The following FER1L6 variants were observed in gnomAD, a reference collection of about 807,000 sequenced individuals.
FER1L6 encodes fer-1 like family member 6.
FER1L6 carries 177 observed loss-of-function variants against 219.2 expected under a neutral mutation model. The observed-to-expected ratio is 0.81, with a 90% CI of 0.71 to 0.91. The LOEUF is 0.91. FER1L6 is among the 40% of genes least tolerant of loss of function. The pLI, the probability that FER1L6 is intolerant of heterozygous loss-of-function variation, is 0.00. For missense variants in FER1L6, 2,153 were observed against 2,259.9 expected, an observed-to-expected ratio of 0.95 and a Z score of 0.96; for synonymous variants, 768 against 824.3, an observed-to-expected ratio of 0.93 and a Z score of 1.17.
chr8:124,051,611 G>A (rs1174009538), intron 22 of FER1L6, among the ~76,000 whole-genome samples: 2 of 152,182 alleles, frequency 1.3e-5, no homozygotes, highest in Non-Finnish European at 2.9e-5. Flanking sequence ...ATTCTACCAT[G>A]TATTTCAGGT....
intron 1 of FER1L6, among the ~76,000 whole-genome samples, chr8:123,892,184 A>G (rs1289047047): frequency 6.6e-6 from 1 of 152,182 alleles, no homozygotes; most frequent in Non-Finnish European, 1.5e-5. Flanking sequence ...CACCATACAA[A>G]GGTAAAATTT....
In FER1L6 at chr8:123,853,798, A is replaced by G. The variant is rs562501048; in HGVS notation, c.-8+1613A>G. Among the ~76,000 whole-genome samples, 17 of 152,344 alleles carry G rather than the reference A, an allele frequency of 1.1e-4. No individual in the cohort carries two copies. The highest frequency in any genetic ancestry group is 3.4e-4 in the African/African-American group (14 of 41,574). ...AGCACAGAGGCTGGTTTTCACTGAG[A>G]ACGATGTAAGAAGGAACAACATCGC... On this transcript the variant is annotated intron_variant, in intron 1 of 40. Coordinates refer to ENST00000522917, the MANE Select transcript of FER1L6 (RefSeq NM_001039112.2). This position sits in a 1 kb window ranked among gnomAD's most constrained non-coding sequence, Gnocchi z 6.6.
intron 17 of FER1L6, among the ~76,000 whole-genome samples, chr8:124,022,805 G>A (rs1217343752): frequency 7.5e-6 from 1 of 133,494 alleles, no homozygotes; most frequent in African/African-American, 2.7e-5. Context: ...GTGCAAAAGT[G>A]TTTGTCCTGC....
intron 40 of FER1L6, among the ~76,000 whole-genome samples, chr8:124,119,203 C>A (rs551203375): frequency 4.6e-5 from 7 of 152,090 alleles, no homozygotes; most frequent in African/African-American, 1.7e-4. Flanking sequence ...GTTGTCAGAG[C>A]GTAGAAGACT....
chr8:124,099,649 A>G (rs768726877), intron 37 of FER1L6, among the ~76,000 whole-genome samples: 1 of 152,210 alleles, frequency 6.6e-6, no homozygotes, highest in Non-Finnish European at 1.5e-5. Context: ...ATGTTTAAAC[A>G]TGAGCTTTTC....
At position 124,103,305 on chromosome 8, in the gene FER1L6, T is replaced by C; in HGVS notation, c.5285T>C (p.Leu1762Pro). 6.2e-7 allele frequency: 1 copy of C among 1,613,678 alleles called. No homozygotes were observed. The highest frequency in any genetic ancestry group is 8.5e-7 in the Non-Finnish European group (1 of 1,179,820). Residue 1762 changes from leucine to proline, a missense_variant, in exon 39 of 41, where the codon CTC (leucine) becomes CCC (proline). Transcript: ENST00000522917. ...TGGCCTTTTTCTAAAAGCAAAGAAC[T>C]CACAGTAAGTGACAGCTATGGGAGG... The part of the protein sequence containing the change: ...GWWPFSKSKE[L>P]TGKVEAEFHL...
intron 10 of FER1L6, among the ~76,000 whole-genome samples, chr8:123,979,066 C>T (rs1211455127): frequency 6.6e-6 from 1 of 152,098 alleles, no homozygotes; most frequent in East Asian, 1.9e-4. Context: ...TTTAAGTCTA[C>T]TCAAGGAAGA....
At chr8:124,097,239 A>G (rs756047096) in intron 35 of FER1L6, 32 bp from the exon 36 acceptor site, 3 of 1,564,250 alleles carry the variant, frequency 1.9e-6, no homozygotes, top group Non-Finnish European at 2.6e-6. Flanking sequence ...CCCCCTCCCA[A>G]AGCTAAAGAA....
chr8:123,973,557 T>C, intron 7 of FER1L6, 45 bp downstream of exon 7: 1 of 1,431,294 alleles, frequency 7.0e-7, no homozygotes, highest in Non-Finnish European at 9.9e-7. Context: ...TTGTCTTTGG[T>C]TTATAGCACC....
At chr8:123,894,573 C>A (rs912820840) in intron 1 of FER1L6, among the ~76,000 whole-genome samples, 1 of 152,172 alleles carries the variant, frequency 6.6e-6, no homozygotes, top group African/African-American at 2.4e-5. Flanking sequence ...GGTACATGTT[C>A]TCTAGCATTG....
chr8:123,887,942 C>T (rs11787464), intron 1 of FER1L6, among the ~76,000 whole-genome samples: 46,055 of 151,906 alleles, frequency 0.3, 7,901 homozygotes, highest in Middle Eastern at 0.41. Flanking sequence ...AGAAATCTGG[C>T]TAATTAACAT....
intron 1 of FER1L6, among the ~76,000 whole-genome samples, chr8:123,898,310 A>G (rs1326426642): frequency 6.6e-6 from 1 of 152,034 alleles, no homozygotes; most frequent in Non-Finnish European, 1.5e-5. Flanking sequence ...CCCATAAGTT[A>G]TTGGGTTACA....
At chr8:123,914,171 G>A (rs1813121451) in intron 1 of FER1L6, among the ~76,000 whole-genome samples, 1 of 152,124 alleles carries the variant, frequency 6.6e-6, no homozygotes, top group South Asian at 2.1e-4. Context: ...CTACCATATT[G>A]GACAGTGTAG....
At chr8:124,012,104 C>T (rs532317368) in intron 14 of FER1L6, among the ~76,000 whole-genome samples, 11 of 152,024 alleles carry the variant, frequency 7.2e-5, no homozygotes, top group African/African-American at 2.2e-4. Context: ...CCCTCTACTC[C>T]GTCCCACATG....
chr8:123,901,945 C>T (rs548800620), intron 1 of FER1L6, among the ~76,000 whole-genome samples: 17 of 152,126 alleles, frequency 1.1e-4, no homozygotes, highest in African/African-American at 4.1e-4. Flanking sequence ...GGGTCTCAAT[C>T]TCCAGACTTC....
chr8:124,017,547 A>G (rs1818253787), intron 15 of FER1L6, 81 bp from the exon 16 acceptor site: 1 of 1,115,862 alleles, frequency 9.0e-7, no homozygotes. Flanking sequence ...TGTATTGCAG[A>G]AACAATATTT....
intron 18 of FER1L6, among the ~76,000 whole-genome samples, chr8:124,030,147 A>G (rs1818894157): frequency 6.6e-6 from 1 of 152,190 alleles, no homozygotes; most frequent in African/African-American, 2.4e-5. Flanking sequence ...TACCAGTACC[A>G]TGTGAAACAT....
At chr8:124,095,898 T>C (rs1822264649) in intron 35 of FER1L6, among the ~76,000 whole-genome samples, 1 of 152,152 alleles carries the variant, frequency 6.6e-6, no homozygotes, top group Admixed American at 6.5e-5. Context: ...TGGGGAGTAA[T>C]AGAGATGAGT....
In FER1L6 at chr8:124,056,280, C is replaced by G. The variant is rs182145618; in HGVS notation, c.2875-3900C>G. On this transcript the variant is annotated intron_variant, in intron 22 of 40. Transcript: ENST00000522917. ...TACAGGGTTAGTGCACTACACACCC[C>G]CAAAAGGGGCCACTGCTATTTGGTC... 4.8e-3 allele frequency among the ~76,000 whole-genome samples: 736 copies of G among 152,316 alleles called. 5 individuals carry two copies. The highest frequency in any genetic ancestry group is 0.016 in the African/African-American group (649 of 41,568).
Sources: allele counts gnomAD v4.1 joint callset (sites outside exome capture counted in the v4.1 genomes callset), GRCh38; gene constraint gnomAD v4.1.1; non-coding constraint Gnocchi (gnomAD v3.1); transcripts MANE v1.5; gene names NCBI Gene and HGNC (gene_info 2026-07-23, HGNC 2026-07-21).